The following ST6GALNAC3 variants were observed in gnomAD, a reference collection of about 807,000 sequenced individuals.
The protein encoded by ST6GALNAC3 is ST6 N-acetylgalactosaminide alpha-2,6-sialyltransferase 3, also known as alpha-N-acetylgalactosaminide alpha-2,6-sialyltransferase 3.
ST6GALNAC3 carries 25 observed loss-of-function variants against 32.7 expected under a neutral mutation model. The observed-to-expected ratio is 0.76, with a 90% CI of 0.56 to 1.07. The LOEUF (loss-of-function observed/expected upper bound fraction) is 1.07, where lower values mean the gene tolerates loss of function less well. ST6GALNAC3 is among the 50% of genes least tolerant of loss of function. The pLI is 0.00. For missense variants in ST6GALNAC3, 355 were observed against 382.4 expected (o/e 0.93, Z 0.60); for synonymous variants, 129 against 133.1 (o/e 0.97, Z 0.21).
At chr1:76,616,956 A>G (rs1241388978) in intron 3 of ST6GALNAC3, among the ~76,000 whole-genome samples, 1 of 152,100 alleles carries the variant, frequency 6.6e-6, no homozygotes, top group Non-Finnish European at 1.5e-5. Context: ...TTTCACTTTT[A>G]TGTGTGGCTC....
chr1:76,483,403 T>G (rs1213538191), intron 3 of ST6GALNAC3, among the ~76,000 whole-genome samples: 1 of 152,202 alleles, frequency 6.6e-6, no homozygotes, highest in Non-Finnish European at 1.5e-5. Context: ...CCTGATTTTT[T>G]AATGATTGCC....
At chr1:76,523,461 A>G (rs1354021488) in intron 3 of ST6GALNAC3, among the ~76,000 whole-genome samples, 1 of 152,140 alleles carries the variant, frequency 6.6e-6, no homozygotes, top group Non-Finnish European at 1.5e-5. Context: ...AGATGTTGTG[A>G]TCTTGCATTA....
At chr1:76,545,013 G>A (rs975891646) in intron 3 of ST6GALNAC3, among the ~76,000 whole-genome samples, 1 of 152,166 alleles carries the variant, frequency 6.6e-6, no homozygotes, top group Non-Finnish European at 1.5e-5. Flanking sequence ...TTTTGCTGCA[G>A]ATCAGTGAGA....
Position 76,111,482 on chromosome 1 carries a change from G to A in ST6GALNAC3, c.18+36598G>A, listed in dbSNP as rs966072966. On this transcript the variant is annotated intron_variant, in intron 1 of 4. Coordinates refer to ENST00000328299, the MANE Select transcript of ST6GALNAC3 (RefSeq NM_152996.4). Reference sequence around the variant, plus strand: ...TATTGATCATTCTTGGGTGTTTCTCGCAGAGGGGGATTTGGCAGGGTCACA... The same window carrying A: ...TATTGATCATTCTTGGGTGTTTCTCACAGAGGGGGATTTGGCAGGGTCACA... Among the ~76,000 whole-genome samples the A allele has an allele frequency of 2.8e-4, 43 of 151,044 alleles. 1 individual carries two copies. The highest frequency in any genetic ancestry group is 5.2e-4 in the Non-Finnish European group (35 of 67,834).
intron 1 of ST6GALNAC3, among the ~76,000 whole-genome samples, chr1:76,245,423 A>G (rs1433575686): frequency 6.6e-6 from 1 of 151,776 alleles, no homozygotes; most frequent in East Asian, 1.9e-4. Context: ...TTGTAGGTCT[A>G]TCTCCTTCAG....
intron 3 of ST6GALNAC3, among the ~76,000 whole-genome samples, chr1:76,512,346 T>C (rs1470440862): frequency 1.3e-5 from 2 of 152,178 alleles, no homozygotes; most frequent in Non-Finnish European, 2.9e-5. Context: ...ACCATGTATT[T>C]ATGTGTTGTT....
intron 3 of ST6GALNAC3, among the ~76,000 whole-genome samples, chr1:76,471,127 A>G (rs1324159389): frequency 6.6e-6 from 1 of 152,042 alleles, no homozygotes; most frequent in African/African-American, 2.4e-5. Context: ...ACTTTCTTCA[A>G]TCTACCTCTC....
At chr1:76,310,317 A>G (rs1365771680) in intron 1 of ST6GALNAC3, among the ~76,000 whole-genome samples, 2 of 152,164 alleles carry the variant, frequency 1.3e-5, no homozygotes, top group Non-Finnish European at 2.9e-5. Flanking sequence ...GACACATTGC[A>G]ATGTTGTGGA....
intron 1 of ST6GALNAC3, among the ~76,000 whole-genome samples, chr1:76,308,814 A>G (rs1024277450): frequency 1.3e-5 from 2 of 152,210 alleles, no homozygotes; most frequent in Non-Finnish European, 2.9e-5. Context: ...ATATACATTT[A>G]TCCTTTCATT....
At chr1:76,599,308 T>C (rs1647183668) in intron 3 of ST6GALNAC3, among the ~76,000 whole-genome samples, 1 of 152,154 alleles carries the variant, frequency 6.6e-6, no homozygotes, top group African/African-American at 2.4e-5. Flanking sequence ...TACTTTAAGT[T>C]CTGGGATACA....
chr1:76,438,522 G>C (rs1656328121), intron 3 of ST6GALNAC3, among the ~76,000 whole-genome samples: 1 of 152,170 alleles, frequency 6.6e-6, no homozygotes, highest in Non-Finnish European at 1.5e-5. Context: ...ATTCACATCT[G>C]TAGGTTCTGC....
At chr1:76,574,696 G>C (rs1646772799) in intron 3 of ST6GALNAC3, among the ~76,000 whole-genome samples, 1 of 152,070 alleles carries the variant, frequency 6.6e-6, no homozygotes. Flanking sequence ...TCTTTTCCAA[G>C]TTTCAAAGTT....
chr1:76,141,690 G>A (rs77814408), intron 1 of ST6GALNAC3, among the ~76,000 whole-genome samples: 3,827 of 152,172 alleles, frequency 0.025, 80 homozygotes, highest in Middle Eastern at 0.092. Context: ...AAAGTTTTTG[G>A]GGAAATAACA....
At chr1:76,480,887 T>G (rs1468899049) in intron 3 of ST6GALNAC3, among the ~76,000 whole-genome samples, 4 of 152,126 alleles carry the variant, frequency 2.6e-5, no homozygotes, top group African/African-American at 9.7e-5. Context: ...TTTAAAAGCA[T>G]CATTCCACTA....
intron 1 of ST6GALNAC3, among the ~76,000 whole-genome samples, chr1:76,155,301 C>G (rs75587116): frequency 1.3e-5 from 2 of 152,096 alleles, no homozygotes; most frequent in South Asian, 4.1e-4. Flanking sequence ...TACACTGGAG[C>G]CATGAGTACT....
intron 2 of ST6GALNAC3, among the ~76,000 whole-genome samples, chr1:76,326,116 C>T (rs561667495): frequency 4.6e-5 from 7 of 152,210 alleles, no homozygotes; most frequent in South Asian, 2.1e-4. Context: ...AGGCTGAGAT[C>T]GGCTGTGCTT....
At chr1:76,097,899 G>T (rs944202764) in intron 1 of ST6GALNAC3, among the ~76,000 whole-genome samples, 3 of 151,930 alleles carry the variant, frequency 2.0e-5, no homozygotes, top group African/African-American at 7.2e-5. Flanking sequence ...TGTTATCTTT[G>T]GCCTTAGTAG....
chr1:76,185,399 G>C (rs1653487691), intron 1 of ST6GALNAC3, among the ~76,000 whole-genome samples: 1 of 152,140 alleles, frequency 6.6e-6, no homozygotes, highest in South Asian at 2.1e-4. Context: ...ACGAGCTCCA[G>C]ATGAGGAGAC....
At chr1:76,144,992 CT>C (rs1446724017) in intron 1 of ST6GALNAC3, among the ~76,000 whole-genome samples, 1 of 152,176 alleles carries the variant, frequency 6.6e-6, no homozygotes, top group Non-Finnish European at 1.5e-5. Context: ...CTTAAAGTAG[CT>C]TGTTCAGAAC....
Sources: gnomAD v4.1 joint callset for allele counts (sites outside exome capture counted in the v4.1 genomes callset) on GRCh38, gnomAD v4.1.1 for gene constraint, MANE v1.5 for transcripts, NCBI Gene and HGNC (gene_info 2026-07-23, HGNC 2026-07-21) for gene names.